XXYLT1: variants seen among roughly 807,000 people sequenced by gnomAD.
XXYLT1 encodes xyloside xylosyltransferase 1.
A neutral mutation model predicts 28.9 loss-of-function variants in XXYLT1; 20 were observed. That is an observed-to-expected ratio of 0.69 (90% confidence interval 0.49 to 1.00). The LOEUF is 1.00. XXYLT1 is among the 50% of genes least tolerant of loss of function. XXYLT1 has a pLI of 0.00. For missense variants in XXYLT1, 542 were observed against 560.1 expected (o/e 0.97, Z 0.33); for synonymous variants, 257 against 253.8 (o/e 1.01, Z -0.12).
Position 195,270,566 on chromosome 3 carries a change from A to T in XXYLT1, c.493T>A (p.Phe165Ile). ...CGCGGCCCGCTCACCTTGCACTTGAAGCCAGCGGCGGGCGGCAGGAGCTCC... is the reference window on the plus strand; with the variant it reads ...CGCGGCCCGCTCACCTTGCACTTGATGCCAGCGGCGGGCGGCAGGAGCTCC... Reference protein sequence around the residue: ...LRELLPPAAGFKCKVIFHDVA... With the variant: ...LRELLPPAAGIKCKVIFHDVA... Residue 165 changes from phenylalanine to isoleucine, a missense_variant, in exon 1 of 4, where the codon TTC (phenylalanine) becomes ATC (isoleucine). By Grantham distance (21) the Phe-to-Ile change is conservative. Coordinates refer to ENST00000310380, the MANE Select transcript of XXYLT1 (RefSeq NM_152531.5). 2 of 1,395,570 alleles carry T rather than the reference A, an allele frequency of 1.4e-6. No homozygotes were observed. The highest frequency in any genetic ancestry group is 1.5e-5 in the African/African-American group (1 of 66,660). 86.4% of individuals were successfully genotyped at this position (1,395,570 alleles called of 1,614,324 possible).
chr3:195,110,398 A>G (rs111065347), intron 3 of XXYLT1, among the ~76,000 whole-genome samples: 5,632 of 13,614 alleles, frequency 0.41, 1,146 homozygotes, highest in Middle Eastern at 0.67. Flanking sequence ...GTGGTGTGTT[A>G]TGTGTGTATA....
chr3:195,110,844 G>GCGTC (rs1717653777), intron 3 of XXYLT1, among the ~76,000 whole-genome samples: 5 of 142,778 alleles, frequency 3.5e-5, no homozygotes, highest in African/African-American at 8.1e-5. Flanking sequence ...GTGGTGTGTT[G>GCGTC]TGTGTGTTGT....
At position 195,271,068 on chromosome 3, in the gene XXYLT1, G is replaced by C. The variant is rs978561329; in HGVS notation, c.-10C>G. On this transcript the variant is annotated 5_prime_UTR_variant, in exon 1 of 4. Transcript: ENST00000310380. ...CTCGGAGGAGGCCCATGCGCTACGA[G>C]ACCGCGGCGCCAGCGGTGCCAGCAA... The C allele has an allele frequency of 5.2e-6, 7 of 1,335,516 alleles. No individual in the cohort carries two copies. The East Asian group carries it at 1.9e-4, about 36-fold the overall frequency. 82.7% of individuals were successfully genotyped at this position (1,335,516 alleles called of 1,614,324 possible). A position where few individuals can be genotyped will look rare whatever the true frequency, so the allele number is the denominator to read the frequency against.
At chr3:195,122,875 T>C (rs543538182) in intron 3 of XXYLT1, among the ~76,000 whole-genome samples, 31 of 152,250 alleles carry the variant, frequency 2.0e-4, no homozygotes, top group African/African-American at 7.2e-4. Flanking sequence ...AGAAGGACAC[T>C]GAGCCCTCTG....
intron 3 of XXYLT1, among the ~76,000 whole-genome samples, chr3:195,108,667 A>G (rs1426218977): frequency 6.6e-6 from 1 of 152,256 alleles, no homozygotes; most frequent in Non-Finnish European, 1.5e-5. Context: ...ACAAACCTGC[A>G]TGGCATGTTA....
At chr3:195,207,031 C>T (rs1001457612) in intron 2 of XXYLT1, among the ~76,000 whole-genome samples, 3 of 152,072 alleles carry the variant, frequency 2.0e-5, no homozygotes, top group African/African-American at 7.2e-5. Context: ...TTCAGTGCCT[C>T]GCCATCAGTA....
In XXYLT1 at chr3:195,255,943, C is replaced by A. The variant is rs1422586772; in HGVS notation, c.504+14612G>T. 1.3e-5 allele frequency among the ~76,000 whole-genome samples: 2 copies of A among 152,160 alleles called. No individual in the cohort carries two copies. The highest frequency in any genetic ancestry group is 2.9e-5 in the Non-Finnish European group (2 of 68,020). ...AAGAGGCTCCCTGCTGTTCTATGGG[C>A]AGCTCCTGGAGGAGGGAGGGAAGGT... On this transcript the variant is annotated intron_variant, in intron 1 of 3. Coordinates refer to ENST00000310380, the MANE Select transcript of XXYLT1 (RefSeq NM_152531.5). This position sits in a 1 kb window ranked among gnomAD's most constrained non-coding sequence, Gnocchi z 4.5.
At chr3:195,258,325 C>A (rs896739919) in intron 1 of XXYLT1, among the ~76,000 whole-genome samples, 1 of 152,138 alleles carries the variant, frequency 6.6e-6, no homozygotes, top group East Asian at 1.9e-4. Flanking sequence ...CCCCAGAGGC[C>A]CGGCCTTTTT....
At chr3:195,119,806 C>T (rs1426460165) in intron 3 of XXYLT1, among the ~76,000 whole-genome samples, 2 of 152,122 alleles carry the variant, frequency 1.3e-5, no homozygotes, top group Admixed American at 1.3e-4. Context: ...GTTCTTTTCT[C>T]AAAGGTCCTA....
chr3:195,120,362 C>G (rs1718295298), intron 3 of XXYLT1, among the ~76,000 whole-genome samples: 1 of 149,294 alleles, frequency 6.7e-6, no homozygotes, highest in African/African-American at 2.5e-5. Context: ...GGAATCCTGG[C>G]TCCACCACAT....
intron 3 of XXYLT1, among the ~76,000 whole-genome samples, chr3:195,100,399 G>A (rs994526039): frequency 2.6e-5 from 4 of 152,208 alleles, no homozygotes; most frequent in Non-Finnish European, 2.9e-5. Flanking sequence ...AGGACAAGGA[G>A]GGACACATTT....
chr3:195,175,607 G>A, intron 2 of XXYLT1: 1 of 1,536,164 alleles, frequency 6.5e-7, no homozygotes, highest in Non-Finnish European at 8.7e-7. Flanking sequence ...GGACACGGTA[G>A]TAACAGACAT....
intron 2 of XXYLT1, among the ~76,000 whole-genome samples, chr3:195,193,944 A>G (rs1302220773): frequency 6.6e-6 from 1 of 152,124 alleles, no homozygotes; most frequent in East Asian, 1.9e-4. Flanking sequence ...AAAACTATAA[A>G]ACTTCTAGAA....
intron 1 of XXYLT1, among the ~76,000 whole-genome samples, chr3:195,229,270 AGAGT>A (rs1207910921): frequency 3.9e-5 from 6 of 152,204 alleles, no homozygotes; most frequent in Non-Finnish European, 7.3e-5. Context: ...TTTTGTGGAT[AGAGT>A]ATGTATATAT....
chr3:195,265,776 T>C (rs190998696), intron 1 of XXYLT1, among the ~76,000 whole-genome samples: 7 of 152,262 alleles, frequency 4.6e-5, no homozygotes, highest in African/African-American at 1.2e-4. Context: ...CCGGCAGCCA[T>C]CCTGGACCAC....
chr3:195,107,691 A>AG (rs1717226752), intron 3 of XXYLT1, among the ~76,000 whole-genome samples: 2 of 103,742 alleles, frequency 1.9e-5, no homozygotes, highest in Non-Finnish European at 3.9e-5. Flanking sequence ...CACAAGTGCC[A>AG]GGGGGGCAAA....
chr3:195,108,723 A>C (rs1717284895), intron 3 of XXYLT1, among the ~76,000 whole-genome samples: 1 of 152,226 alleles, frequency 6.6e-6, no homozygotes, highest in Admixed American at 6.5e-5. Flanking sequence ...GTATCTGTCT[A>C]TCTAAACATA....
chr3:195,175,977 A>G, intron 2 of XXYLT1: 1 of 1,232,388 alleles, frequency 8.1e-7, no homozygotes, highest in Non-Finnish European at 1.1e-6. Context: ...CCTTACTAAC[A>G]CAGAGGTCAT....
In XXYLT1 at chr3:195,210,797, CTTTGTTCAGTA is replaced by C. The variant is rs1400775590; in HGVS notation, c.652+15901_652+15911del. On this transcript the variant is annotated intron_variant, in intron 2 of 3. Transcript: ENST00000310380. The surrounding 1 kb of genome is among the most constrained non-coding windows in gnomAD (Gnocchi z 4.8). ...AAATCACTGGACACATGTTTATACC[CTTTGTTCAGTA>C]TTTGTTCAGATGTTTTCACTCAGGC... 6.6e-6 allele frequency among the ~76,000 whole-genome samples: 1 copy of C among 152,202 alleles called. No homozygotes were observed. The highest frequency in any genetic ancestry group is 2.4e-5 in the African/African-American group (1 of 41,458).
Sources: gnomAD v4.1 joint callset for allele counts (sites outside exome capture counted in the v4.1 genomes callset) on GRCh38, gnomAD v4.1.1 for gene constraint, Gnocchi (gnomAD v3.1) non-coding constraint, MANE v1.5 for transcripts, NCBI Gene and HGNC (gene_info 2026-07-23, HGNC 2026-07-21) for gene names.